Variants in ZKSCAN1 observed in about 807,000 individuals in gnomAD.
ZKSCAN1 encodes the protein zinc finger with KRAB and SCAN domains 1, also known as zinc finger protein with KRAB and SCAN domains 1.
ZKSCAN1 carries 14 observed loss-of-function variants against 51.6 expected under a neutral mutation model. That is an observed-to-expected ratio of 0.27 (90% CI 0.18 to 0.42). ZKSCAN1 has a LOEUF of 0.42. ZKSCAN1 is among the 10% of genes least tolerant of loss of function. ZKSCAN1 has a pLI of 1.00. For synonymous variants in ZKSCAN1, 263 were observed against 261.5 expected (o/e 1.01, Z -0.06); for missense variants, 531 against 710.0 (o/e 0.75, Z 2.86).
At chr7:100,024,825 A>C (rs1047760366) in intron 3 of ZKSCAN1, 2 of 149,836 alleles carry the variant, frequency 1.3e-5, no homozygotes, top group African/African-American at 4.9e-5. Context: ...ACTTGAACCC[A>C]GGAGGTGGAG....
In ZKSCAN1 at chr7:100,023,886, C is replaced by T. The variant is rs1236986656; in HGVS notation, c.380C>T (p.Ala127Val). The change falls in exon 2 of 6, where the codon GCC becomes GTC. Residue 127 changes from alanine to valine, a missense_variant. Physicochemically the swap from Ala to Val is moderately conservative, Grantham distance 64. Around this residue, in one of 2 missense-constraint regions of ZKSCAN1, gnomAD observed 403 missense variants for 490.5 expected, o/e 0.82. Coordinates refer to ENST00000324306, the MANE Select transcript of ZKSCAN1 (RefSeq NM_003439.4). ...TACCGCCCCGATAGTGGAGAGGAGG[C>T]CGTGACCCTTCTAGAAGACTTGGAG... ...QEYRPDSGEE[A>V]VTLLEDLELD... 7 of 1,608,780 alleles carry T rather than the reference C, an allele frequency of 4.4e-6. No individual in the cohort carries two copies. Among genetic ancestry groups the T allele is most frequent in the Non-Finnish European group, 5.9e-6 (7 of 1,178,898 alleles).
At position 100,038,165 on chromosome 7, in the gene ZKSCAN1, T is replaced by C; in HGVS notation, c.*3968T>C. On this transcript the variant is annotated 3_prime_UTR_variant, in exon 6 of 6. Coordinates refer to ENST00000324306, the MANE Select transcript of ZKSCAN1 (RefSeq NM_003439.4). The stretch of plus-strand genomic sequence containing the variant: ...TAACGTTAGGTACTTCTATATATTT[T>C]ATATGACCATAATGTCCGTGTGTGT... 1.0e-6 allele frequency: 1 copy of C among 985,468 alleles called. No individual in the cohort carries two copies. The highest frequency in any genetic ancestry group is 1.2e-6 in the Non-Finnish European group (1 of 829,934). 61.0% of individuals were successfully genotyped at this position (985,468 alleles called of 1,614,324 possible).
Position 100,039,986 on chromosome 7 carries a change from GT to G in ZKSCAN1, c.*5800del, listed in dbSNP as rs897915768. On this transcript the variant is annotated 3_prime_UTR_variant, in exon 6 of 6. Transcript: ENST00000324306. ...AAAGTTTTTCTAACATAGATTTAGG[GT>G]TTTTTTTTTTAGAGTGGACACACTA... The G allele has an allele frequency of 0.016, 11,290 of 723,664 alleles. No homozygotes were observed. Among genetic ancestry groups the G allele is most frequent in the Non-Finnish European group, 0.017 (10,184 of 595,054 alleles). 44.8% of individuals were successfully genotyped at this position (723,664 alleles called of 1,614,324 possible).
downstream of ZKSCAN1, among the ~76,000 whole-genome samples, chr7:100,044,390 G>T (rs1407600200): frequency 6.6e-6 from 1 of 152,016 alleles, no homozygotes; most frequent in Admixed American, 6.6e-5. Flanking sequence ...GCACTGAGCC[G>T]GGCATGGTGG....
At position 100,037,009 on chromosome 7, in the gene ZKSCAN1, C is replaced by T; in HGVS notation, c.*2812C>T. On this transcript the variant is annotated 3_prime_UTR_variant, in exon 6 of 6. Transcript: ENST00000324306. ...CCACTAGGGTTGCTTCGATCTTCAG[C>T]CACATGCTGTCCTTGAAGCAGCTAT... The T allele has an allele frequency of 1.0e-6, 1 of 985,422 alleles. No individual in the cohort carries two copies. Among genetic ancestry groups the T allele is most frequent in the Non-Finnish European group, 1.2e-6 (1 of 829,944 alleles). The allele number at this position is 985,422 out of a possible 1,614,324, so 61.0% of individuals were successfully genotyped here. A position where few individuals can be genotyped will look rare whatever the true frequency, so the allele number is the denominator to read the frequency against.
In ZKSCAN1 at chr7:100,035,726, C is replaced by A; in HGVS notation, c.*1529C>A. 1.9e-6 allele frequency: 1 copy of A among 539,282 alleles called. No individual in the cohort carries two copies. Among genetic ancestry groups the A allele is most frequent in the Non-Finnish European group, 2.4e-6 (1 of 422,212 alleles). The allele number at this position is 539,282 out of a possible 1,614,324, so 33.4% of individuals were successfully genotyped here. On this transcript the variant is annotated 3_prime_UTR_variant, in exon 6 of 6. Transcript: ENST00000324306. ...GTGCCATCGTCATAGTGCACAGTGA[C>A]TTTTCTGTTTCTTATCACTAAAGAC...
intron 3 of ZKSCAN1, among the ~76,000 whole-genome samples, chr7:100,028,429 A>G (rs1006264514): frequency 6.6e-6 from 1 of 152,112 alleles, no homozygotes. Context: ...TGGGAGGATC[A>G]CTTGAGCCTG....
In ZKSCAN1 at chr7:100,039,263, G is replaced by A; in HGVS notation, c.*5066G>A. The A allele has an allele frequency of 1.0e-6, 1 of 957,250 alleles. No individual in the cohort carries two copies. The highest frequency in any genetic ancestry group is 1.2e-6 in the Non-Finnish European group (1 of 804,812). The allele number at this position is 957,250 out of a possible 1,614,324, so 59.3% of individuals were successfully genotyped here. A position where few individuals can be genotyped will look rare whatever the true frequency, so the allele number is the denominator to read the frequency against. ...GGAGGCAGAGGTTGCAGTGAGCCGA[G>A]ATTGCACCACTGCACTCCAGCCTGG... On this transcript the variant is annotated 3_prime_UTR_variant, in exon 6 of 6. Coordinates refer to ENST00000324306, the MANE Select transcript of ZKSCAN1 (RefSeq NM_003439.4).
rs990048477 is a variant in ZKSCAN1 at position 100,041,623 on chromosome 7, A to G, written c.*7426A>G. 5.1e-6 allele frequency: 5 copies of G among 985,410 alleles called. No homozygotes were observed. Among genetic ancestry groups the G allele is most frequent in the African/African-American group, 3.5e-5 (2 of 57,356 alleles). The allele number at this position is 985,410 out of a possible 1,614,324, so 61.0% of individuals were successfully genotyped here. A position where few individuals can be genotyped will look rare whatever the true frequency, so the allele number is the denominator to read the frequency against. On this transcript the variant is annotated 3_prime_UTR_variant, in exon 6 of 6. Coordinates refer to ENST00000324306, the MANE Select transcript of ZKSCAN1 (RefSeq NM_003439.4). The stretch of plus-strand genomic sequence containing the variant: ...AGGAAGGAAATTGTGGGGATTTGAA[A>G]TATTCTCTTTATGTTGTTTCTCTTC...
At chr7:100,019,527 C>T (rs1449936215) in intron 1 of ZKSCAN1, among the ~76,000 whole-genome samples, 1 of 151,564 alleles carries the variant, frequency 6.6e-6, no homozygotes, top group African/African-American at 2.4e-5. Context: ...TTCATTGTCA[C>T]GTTCATAGGC....
rs1285698272 is a variant in ZKSCAN1 at position 100,024,269 on chromosome 7, A to G, written c.542A>G (p.Lys181Arg). The G allele has an allele frequency of 1.2e-6, 2 of 1,613,968 alleles. No individual in the cohort carries two copies. Among genetic ancestry groups the G allele is most frequent in the Admixed American group, 1.7e-5 (1 of 60,004 alleles). Residue 181 changes from lysine (K) to arginine (R), a missense_variant, in exon 3 of 6, where the codon AAA becomes AGA. This residue lies in a region of ZKSCAN1 where 403 missense variants were observed against 490.5 expected (regional missense o/e 0.82). Transcript: ENST00000324306. The part of the protein sequence containing the change: ...LHHEATQSHF[K>R]HSSRKPRLLQ... ...CACGAGGCCACCCAGTCCCACTTCA[A>G]ACATTCGTCTCGGAAACCCCGCCTC...
intron 3 of ZKSCAN1, among the ~76,000 whole-genome samples, chr7:100,028,812 A>AT (rs1554351972): frequency 1.3e-5 from 2 of 151,316 alleles, no homozygotes; most frequent in Non-Finnish European, 2.9e-5. Context: ...AAAAAAAAAA[A>AT]CAGTATTTAT....
Position 100,037,123 on chromosome 7 carries a change from G to A in ZKSCAN1, c.*2926G>A, listed in dbSNP as rs1791398244. ...TCGTTTATCAGATGCTCAGTGCAAA[G>A]TGTAATTGGGTCATGGTCAAAAACG... On this transcript the variant is annotated 3_prime_UTR_variant, in exon 6 of 6. Transcript: ENST00000324306. 1.0e-6 allele frequency: 1 copy of A among 985,442 alleles called. No individual in the cohort carries two copies. The highest frequency in any genetic ancestry group is 1.2e-6 in the Non-Finnish European group (1 of 829,948). 61.0% of individuals were successfully genotyped at this position (985,442 alleles called of 1,614,324 possible). A position where few individuals can be genotyped will look rare whatever the true frequency, so the allele number is the denominator to read the frequency against.
In ZKSCAN1 at chr7:100,034,486, T is replaced by C. The variant is rs1562829182; in HGVS notation, c.*289T>C. ...AGTGAAATGTCAGTCTTTTCAGTAATGAGGATACCTTTAAGGCACTCTTGG... is the reference window on the plus strand; with the variant it reads ...AGTGAAATGTCAGTCTTTTCAGTAACGAGGATACCTTTAAGGCACTCTTGG... On this transcript the variant is annotated 3_prime_UTR_variant, in exon 6 of 6. Transcript: ENST00000324306. The C allele has an allele frequency of 8.9e-7, 1 of 1,129,428 alleles. No individual in the cohort carries two copies. The highest frequency in any genetic ancestry group is 4.8e-5 in the East Asian group (1 of 20,852). The allele number at this position is 1,129,428 out of a possible 1,614,324, so 70.0% of individuals were successfully genotyped here.
chr7:100,043,536 G>T (rs1241789384), downstream of ZKSCAN1, among the ~76,000 whole-genome samples: 2 of 150,396 alleles, frequency 1.3e-5, no homozygotes, highest in Non-Finnish European at 1.5e-5. Context: ...ACTACGCCTA[G>T]ATTTTTTTTT....
chr7:100,018,031 A>T (rs927371745), intron 1 of ZKSCAN1, among the ~76,000 whole-genome samples: 4 of 152,212 alleles, frequency 2.6e-5, no homozygotes, highest in Non-Finnish European at 4.4e-5. Flanking sequence ...CTATTACCTC[A>T]TTTAATCCTC....
At chr7:100,016,547 A>G (rs1007484151) in intron 1 of ZKSCAN1, among the ~76,000 whole-genome samples, 6 of 152,194 alleles carry the variant, frequency 3.9e-5, no homozygotes, top group African/African-American at 1.2e-4. Context: ...TAATTTCGTC[A>G]TCAATAAAAA....
downstream of ZKSCAN1, among the ~76,000 whole-genome samples, chr7:100,043,218 A>G (rs1241091257): frequency 6.6e-6 from 1 of 150,980 alleles, no homozygotes; most frequent in African/African-American, 2.4e-5. Context: ...ACCCAGCCCT[A>G]TTTTTTCTTA....
chr7:100,040,884 T>C lies in ZKSCAN1; in HGVS notation c.*6687T>C. 1.0e-6 allele frequency: 1 copy of C among 985,394 alleles called. No individual in the cohort carries two copies. Among genetic ancestry groups the C allele is most frequent in the South Asian group, 4.7e-5 (1 of 21,288 alleles). 61.0% of individuals were successfully genotyped at this position (985,394 alleles called of 1,614,324 possible). On this transcript the variant is annotated 3_prime_UTR_variant, in exon 6 of 6. Coordinates refer to ENST00000324306, the MANE Select transcript of ZKSCAN1 (RefSeq NM_003439.4). ...ATGCTTCTGCTGATCGCAGGGGTTC[T>C]TATTTGAAAACATCTATGATGGGGG...
Sources: gnomAD v4.1 joint callset for allele counts (sites outside exome capture counted in the v4.1 genomes callset) on GRCh38, gnomAD v4.1.1 for gene constraint, gnomAD v4.1.1 regional missense constraint, MANE v1.5 for transcripts, NCBI Gene and HGNC (gene_info 2026-07-23, HGNC 2026-07-21) for gene names.